ATXN7: variants seen among roughly 807,000 people sequenced by gnomAD.
ATXN7 encodes ataxin-7.
Under a neutral mutation model 70.5 loss-of-function variants are expected in ATXN7, and 12 were observed. The observed-to-expected ratio is 0.17, with a 90% CI of 0.11 to 0.28. The LOEUF (loss-of-function observed/expected upper bound fraction) is 0.28. Ranked by LOEUF, ATXN7 falls within the 10% of genes least tolerant of loss-of-function variation. The pLI is 1.00. For synonymous variants in ATXN7, 498 were observed against 448.7 expected (o/e 1.11, Z -1.39); for missense variants, 1,256 against 1,131.7 (o/e 1.11, Z -1.58).
chr3:63,978,793 G>A (rs2106748840), intron 5 of ATXN7, among the ~76,000 whole-genome samples: 1 of 152,298 alleles, frequency 6.6e-6, no homozygotes, highest in South Asian at 2.1e-4. Flanking sequence ...TTGAAGTAAT[G>A]CCCTTCCAGG....
intron 5 of ATXN7, among the ~76,000 whole-genome samples, chr3:63,977,156 G>C (rs981806172): frequency 6.6e-6 from 1 of 152,156 alleles, no homozygotes; most frequent in African/African-American, 2.4e-5. Flanking sequence ...TTTCAGCCAG[G>C]TATAGTTTTC....
At chr3:63,868,509 T>C (rs1417588204) in intron 1 of ATXN7, among the ~76,000 whole-genome samples, 2 of 152,226 alleles carry the variant, frequency 1.3e-5, no homozygotes, top group African/African-American at 2.4e-5. Context: ...GTACATTATT[T>C]CCAAATTGGT....
At chr3:63,880,334 A>T (rs532728897) in intron 1 of ATXN7, among the ~76,000 whole-genome samples, 5 of 152,334 alleles carry the variant, frequency 3.3e-5, no homozygotes, top group African/African-American at 1.2e-4. Flanking sequence ...CAGGTCACAA[A>T]TATTTATCAA....
chr3:63,930,237 T>C (rs1704895783), intron 4 of ATXN7, among the ~76,000 whole-genome samples: 1 of 152,230 alleles, frequency 6.6e-6, no homozygotes, highest in Non-Finnish European at 1.5e-5. Context: ...GATAAGTTTT[T>C]ATTTTTATTC....
chr3:63,930,731 CGT>C (rs1298195825), intron 4 of ATXN7, among the ~76,000 whole-genome samples: 2 of 152,012 alleles, frequency 1.3e-5, no homozygotes, highest in East Asian at 3.9e-4. Flanking sequence ...GGGGTTTCTC[CGT>C]GTTAGCCAGG....
Position 63,980,095 on chromosome 3 carries a change from A to G in ATXN7, c.680A>G (p.Glu227Gly), listed in dbSNP as rs2075460200. 1 of 1,614,166 alleles carries G rather than the reference A, an allele frequency of 6.2e-7. No homozygotes were observed. The highest frequency in any genetic ancestry group is 8.5e-7 in the Non-Finnish European group (1 of 1,180,034). Reference protein sequence around the residue: ...SSSKLLKSPKEKLQLRGNTRP... With the variant: ...SSSKLLKSPKGKLQLRGNTRP... ...TCCAAGTTGTTGAAATCACCCAAAG[A>G]GAAACTGCAGCTCAGGGGGAACACC... Residue 227 changes from glutamate to glycine, a missense_variant, in exon 6 of 13, where the codon GAG becomes GGG. Transcript: ENST00000674280.
chr3:63,913,105 T>G (rs1704122189), intron 3 of ATXN7, 52 bp from the exon 4 acceptor site: 1 of 1,573,584 alleles, frequency 6.4e-7, no homozygotes, highest in Non-Finnish European at 8.7e-7. Context: ...TGCGTCACAC[T>G]CCTGGCCACT....
chr3:63,974,229 A>T (rs914022360), intron 5 of ATXN7, among the ~76,000 whole-genome samples: 1 of 152,226 alleles, frequency 6.6e-6, no homozygotes, highest in African/African-American at 2.4e-5. Context: ...AAATGGAAAG[A>T]TGAAATCGAA....
chr3:63,866,922 T>A (rs1702449306), intron 1 of ATXN7: 1 of 152,030 alleles, frequency 6.6e-6, no homozygotes, highest in South Asian at 2.1e-4. Context: ...TTGTATGACC[T>A]TATATTTATT....
At position 63,988,040 on chromosome 3, in the gene ATXN7, G is replaced by C; in HGVS notation, c.1096-19G>C. 6.2e-7 allele frequency: 1 copy of C among 1,608,326 alleles called. No individual in the cohort carries two copies. Among genetic ancestry groups the C allele is most frequent in the East Asian group, 2.2e-5 (1 of 44,824 alleles). ...TTATTAATGAGATTCCTCAGTTTCT[G>C]TATTTTTTTGGTCCACAGACACATT... On this transcript the variant is annotated intron_variant, in intron 8 of 12. Coordinates refer to ENST00000674280, the MANE Select transcript of ATXN7 (RefSeq NM_001377405.1).
chr3:63,977,780 C>G (rs2075413241), intron 5 of ATXN7, among the ~76,000 whole-genome samples: 1 of 152,036 alleles, frequency 6.6e-6, no homozygotes, highest in Admixed American at 6.5e-5. Context: ...GAAGAATTGT[C>G]CTGTCTGAAA....
intron 2 of ATXN7, among the ~76,000 whole-genome samples, chr3:63,902,667 T>C (rs1257431203): frequency 1.3e-5 from 2 of 152,016 alleles, no homozygotes; most frequent in African/African-American, 4.8e-5. Flanking sequence ...CACCATATAC[T>C]CCATGAGGAA....
At chr3:63,922,983 T>C (rs934080798) in intron 4 of ATXN7, among the ~76,000 whole-genome samples, 3 of 152,206 alleles carry the variant, frequency 2.0e-5, no homozygotes, top group African/African-American at 7.2e-5. Context: ...CAAGGACACC[T>C]ATGTAACTAC....
rs540812266 is a variant in ATXN7 at position 63,924,682 on chromosome 3, T to C, written c.394+11457T>C. 3.3e-5 allele frequency among the ~76,000 whole-genome samples: 5 copies of C among 152,278 alleles called. No individual in the cohort carries two copies. The East Asian group carries it at 9.7e-4, about 29-fold the overall frequency. On this transcript the variant is annotated intron_variant, in intron 4 of 12. Transcript: ENST00000674280. ...GAATCGATCTCTGGCTTTGACAGTATGAAGGTCATTAATGACCTTAATCTG... is the reference window on the plus strand; with the variant it reads ...GAATCGATCTCTGGCTTTGACAGTACGAAGGTCATTAATGACCTTAATCTG...
chr3:63,897,288 A>G (rs1703476406), intron 1 of ATXN7, among the ~76,000 whole-genome samples: 1 of 152,206 alleles, frequency 6.6e-6, no homozygotes, highest in South Asian at 2.1e-4. Flanking sequence ...GAAGAGAAAC[A>G]TCTGGTTTAT....
chr3:63,872,600 C>A (rs533782149), intron 1 of ATXN7, among the ~76,000 whole-genome samples: 1 of 152,210 alleles, frequency 6.6e-6, no homozygotes, highest in Non-Finnish European at 1.5e-5. Flanking sequence ...CAAAGCAAGT[C>A]ACAAGGCCAA....
intron 2 of ATXN7, among the ~76,000 whole-genome samples, chr3:63,899,583 C>T (rs1703553064): frequency 6.6e-6 from 1 of 151,922 alleles, no homozygotes; most frequent in Non-Finnish European, 1.5e-5. Flanking sequence ...ACCAGTCTGG[C>T]CAACATAGCT....
chr3:63,935,451 C>T (rs1035702954), intron 4 of ATXN7, among the ~76,000 whole-genome samples: 1 of 152,064 alleles, frequency 6.6e-6, no homozygotes, highest in Non-Finnish European at 1.5e-5. Flanking sequence ...AAAAATTATT[C>T]CCCCAAAGCT....
At chr3:63,980,966 G>A (rs2075476251) in intron 6 of ATXN7, among the ~76,000 whole-genome samples, 1 of 152,186 alleles carries the variant, frequency 6.6e-6, no homozygotes, top group Admixed American at 6.5e-5. Context: ...GTTTCTTGAG[G>A]TCACGTGAGG....
Sources: gnomAD v4.1 joint callset for allele counts (sites outside exome capture counted in the v4.1 genomes callset) on GRCh38, gnomAD v4.1.1 for gene constraint, MANE v1.5 for transcripts, NCBI Gene and HGNC (gene_info 2026-07-23, HGNC 2026-07-21) for gene names.